The following IFT74 variants were observed in gnomAD, a reference collection of about 807,000 sequenced individuals.
IFT74 encodes intraflagellar transport 74, also known as intraflagellar transport protein 74 homolog.
In IFT74, 92 loss-of-function variants were observed where a neutral mutation model predicts 96.7. That is an observed-to-expected ratio of 0.95 (90% CI 0.80 to 1.13). The LOEUF (loss-of-function observed/expected upper bound fraction) is 1.13, where lower values mean the gene tolerates loss of function less well. Ranked by LOEUF, IFT74 falls within the 50% of genes most tolerant of loss-of-function variation. The probability of loss-of-function intolerance (pLI) is 0.00; values close to 1 mark genes in which losing one functional copy is unlikely to be tolerated. For missense variants in IFT74, 811 were observed against 698.2 expected (o/e 1.16, Z -1.82); for synonymous variants, 223 against 213.2 (o/e 1.05, Z -0.40).
rs185269991 is a variant in IFT74, at chr9:27,052,930, T to C, written c.1334-2679T>C. Reference sequence around the variant, plus strand: ...CAGGCTGGAGTGCAGTGGCGCGATTTTGGCTCACTGCAGGCTCCGCCCCCA... The same window carrying C: ...CAGGCTGGAGTGCAGTGGCGCGATTCTGGCTCACTGCAGGCTCCGCCCCCA... On this transcript the variant is annotated intron_variant, in intron 16 of 19. Transcript: ENST00000380062. Among the ~76,000 whole-genome samples, 811 of 152,204 alleles carry C rather than the reference T, an allele frequency of 5.3e-3. 5 individuals carry two copies. The highest frequency in any genetic ancestry group is 8.4e-3 in the Admixed American group (128 of 15,296).
intron 1 of IFT74, among the ~76,000 whole-genome samples, chr9:26,961,652 A>G (rs1487254282): frequency 6.6e-6 from 1 of 152,218 alleles, no homozygotes; most frequent in Non-Finnish European, 1.5e-5. Context: ...GATGTTGGCT[A>G]TGATGGGAGA....
At chr9:27,034,641 A>G (rs1405156784) in intron 13 of IFT74, among the ~76,000 whole-genome samples, 1 of 152,088 alleles carries the variant, frequency 6.6e-6, no homozygotes, top group Non-Finnish European at 1.5e-5. Context: ...CAATTCTCCT[A>G]CCTCAGCCTC....
intron 1 of IFT74, among the ~76,000 whole-genome samples, chr9:26,961,292 G>A (rs561228315): frequency 1.3e-4 from 20 of 151,898 alleles, no homozygotes; most frequent in Admixed American, 1.2e-3. Context: ...GGGTTTCCCT[G>A]TGTTAGCCAG....
At chr9:27,057,108 C>T (rs952858584) in intron 18 of IFT74, among the ~76,000 whole-genome samples, 112 of 152,066 alleles carry the variant, frequency 7.4e-4, no homozygotes, top group African/African-American at 2.1e-3. Context: ...ATGGATGTCG[C>T]ATAATATATT....
intron 8 of IFT74, among the ~76,000 whole-genome samples, chr9:27,004,258 G>GA (rs1324353209): frequency 6.6e-6 from 1 of 152,052 alleles, no homozygotes; most frequent in African/African-American, 2.4e-5. Flanking sequence ...TGCGCTAAAA[G>GA]AAAAAAATCA....
Position 27,044,866 on chromosome 9 carries a change from A to T in IFT74, c.1108+71A>T, listed in dbSNP as rs573789268. On this transcript the variant is annotated intron_variant, in intron 14 of 19. Coordinates refer to ENST00000380062, the MANE Select transcript of IFT74 (RefSeq NM_025103.4). ...GCTGTTCATTTATACCAAATCAGAG[A>T]CCTCATTTTGGGCAGATATAATGGC... 27 of 897,212 alleles carry T rather than the reference A, an allele frequency of 3.0e-5. No homozygotes were observed. The South Asian group carries it at 5.0e-4, about 16-fold the overall frequency. 55.6% of individuals were successfully genotyped at this position (897,212 alleles called of 1,614,324 possible).
In IFT74 at chr9:27,029,101, C is replaced by A. The variant is rs753886319; in HGVS notation, c.1051C>A (p.Gln351Lys). The change falls in exon 13 of 20, where the codon CAA becomes AAA. Residue 351 changes from glutamine to lysine, a missense_variant. Coordinates refer to ENST00000380062, the MANE Select transcript of IFT74 (RefSeq NM_025103.4). ...ACTTGACATGGATTTAGAGGAACAC[C>A]AAGGTATGCTTCTGGTATTTTTATA... is the stretch of plus-strand genomic sequence containing the variant. ...RQLDMDLEEH[Q>K]GEMNQKYKEL... 2 of 1,595,586 alleles carry A rather than the reference C, an allele frequency of 1.3e-6. No homozygotes were observed. The highest frequency in any genetic ancestry group is 3.5e-5 in the Admixed American group (2 of 57,358).
intron 16 of IFT74, among the ~76,000 whole-genome samples, chr9:27,053,971 A>G (rs1207703838): frequency 1.3e-5 from 2 of 152,236 alleles, no homozygotes; most frequent in Admixed American, 6.5e-5. Context: ...AAGTTTTGCT[A>G]TATACATATT....
Position 27,063,765 on chromosome 9 carries a change from A to G in IFT74, c.*1029A>G, listed in dbSNP as rs1045741115. Among the ~76,000 whole-genome samples, 3 of 152,106 alleles carry G rather than the reference A, an allele frequency of 2.0e-5. No individual in the cohort carries two copies. The highest frequency in any genetic ancestry group is 4.8e-5 in the African/African-American group (2 of 41,450). On this transcript the variant is annotated 3_prime_UTR_variant, in exon 20 of 20. Coordinates refer to ENST00000380062, the MANE Select transcript of IFT74 (RefSeq NM_025103.4). ...CTTTAAAATTTACTCATATATGTTGATTTTTAAAAATAAATATTTATAATG... is the reference window on the plus strand; with the variant it reads ...CTTTAAAATTTACTCATATATGTTGGTTTTTAAAAATAAATATTTATAATG...
intron 12 of IFT74, among the ~76,000 whole-genome samples, chr9:27,025,481 T>C (rs1260708577): frequency 1.4e-5 from 2 of 139,822 alleles, no homozygotes; most frequent in Non-Finnish European, 3.1e-5. Context: ...AAAGAAAGAA[T>C]GTCAAAGATT....
intron 1 of IFT74, among the ~76,000 whole-genome samples, chr9:26,951,060 A>C (rs568390393): frequency 7.7e-4 from 117 of 152,400 alleles, no homozygotes; most frequent in African/African-American, 2.8e-3. Context: ...GAAGGCATGA[A>C]GGAAAAATGT....
At chr9:27,044,617 C>A in intron 13 of IFT74, 125 bp from the exon 14 acceptor site, 1 of 579,408 alleles carries the variant, frequency 1.7e-6, no homozygotes, top group Non-Finnish European at 3.1e-6. Context: ...AAAAGAATTT[C>A]ACCTAATCGA....
Position 27,044,062 on chromosome 9 carries a change from C to A in IFT74, c.1055-680C>A, listed in dbSNP as rs545080509. ...TCTTATAAGGTGCTTCGTAAGCTGC[C>A]TCATCTTTGTGCTACTTTTTCACTT... is the stretch of plus-strand genomic sequence containing the variant. On this transcript the variant is annotated intron_variant, in intron 13 of 19. Coordinates refer to ENST00000380062, the MANE Select transcript of IFT74 (RefSeq NM_025103.4). 3.3e-5 allele frequency among the ~76,000 whole-genome samples: 5 copies of A among 152,230 alleles called. No individual in the cohort carries two copies. In the East Asian group the frequency reaches 9.7e-4, roughly 29 times the overall value.
chr9:27,039,305 A>G (rs1819362805), intron 13 of IFT74, among the ~76,000 whole-genome samples: 1 of 152,164 alleles, frequency 6.6e-6, no homozygotes, highest in Non-Finnish European at 1.5e-5. Flanking sequence ...TATTGGGATC[A>G]TAGGTGTGAG....
At chr9:26,989,226 A>C (rs1827768166) in intron 7 of IFT74, among the ~76,000 whole-genome samples, 1 of 152,106 alleles carries the variant, frequency 6.6e-6, no homozygotes, top group African/African-American at 2.4e-5. Flanking sequence ...GGATGGTAGG[A>C]GGGCAATAAG....
chr9:26,990,535 A>C (rs1827817737), intron 8 of IFT74, among the ~76,000 whole-genome samples: 1 of 152,168 alleles, frequency 6.6e-6, no homozygotes, highest in African/African-American at 2.4e-5. Context: ...TTTCATCCCC[A>C]ATCTAGTGAA....
At chr9:27,036,739 TAA>T in intron 13 of IFT74, 7 of 1,231,504 alleles carry the variant, frequency 5.7e-6, no homozygotes, top group Non-Finnish European at 7.1e-6. Flanking sequence ...CCTTACAGAC[TAA>T]GAGAGAGCGT....
In IFT74 at chr9:27,063,049, G is replaced by A. The variant is rs910315298; in HGVS notation, c.*313G>A. ...CCATCTATGGCAACAAATGAGATAA[G>A]CTTTTCTTGTATCAACTCTAGGACG... On this transcript the variant is annotated 3_prime_UTR_variant, in exon 20 of 20. Transcript: ENST00000380062. The A allele has an allele frequency of 8.5e-6, 2 of 235,588 alleles. No individual in the cohort carries two copies. Among genetic ancestry groups the A allele is most frequent in the East Asian group, 1.3e-4 (1 of 7,750 alleles). 14.6% of individuals were successfully genotyped at this position (235,588 alleles called of 1,614,324 possible). A position where few individuals can be genotyped will look rare whatever the true frequency, so the allele number is the denominator to read the frequency against.
intron 8 of IFT74, chr9:26,997,897 C>A: frequency 6.2e-7 from 1 of 1,614,106 alleles, no homozygotes; most frequent in Non-Finnish European, 8.5e-7. Flanking sequence ...TTCTTAGAGG[C>A]ACAAATACAT....
Sources: gnomAD v4.1 joint callset for allele counts (sites outside exome capture counted in the v4.1 genomes callset) on GRCh38, gnomAD v4.1.1 for gene constraint, MANE v1.5 for transcripts, NCBI Gene and HGNC (gene_info 2026-07-23, HGNC 2026-07-21) for gene names.